The following CTNNA2 variants were observed in gnomAD, a reference collection of about 807,000 sequenced individuals.
The protein encoded by CTNNA2 is catenin alpha-2.
CTNNA2 carries 42 observed loss-of-function variants against 101.0 expected under a neutral mutation model. That is an observed-to-expected ratio of 0.42 (90% CI 0.32 to 0.54). CTNNA2 has a LOEUF of 0.54. CTNNA2 is among the 20% of genes least tolerant of loss of function. The pLI, the probability that CTNNA2 is intolerant of heterozygous loss-of-function variation, is 0.14. For missense variants in CTNNA2, 871 were observed against 1,223.1 expected (o/e 0.71, Z 4.29); for synonymous variants, 450 against 456.4 (o/e 0.99, Z 0.18).
intron 4 of CTNNA2, among the ~76,000 whole-genome samples, chr2:79,404,006 CTGTTATTTTGAGCTAGTTCCGTAG>C (rs778600223): frequency 1.1e-4 from 16 of 151,620 alleles, no homozygotes; most frequent in Admixed American, 3.9e-4. Flanking sequence ...TTCAGTAGGT[CTGTTATTTTGAGCTAGTTCCGTAG>C]AATTTACTAG....
chr2:80,326,642 A>AT (rs76980734), intron 7 of CTNNA2, among the ~76,000 whole-genome samples: 26 of 151,904 alleles, frequency 1.7e-4, no homozygotes, highest in Middle Eastern at 6.8e-3. Flanking sequence ...AATAGTTCTA[A>AT]TTTTTTTTTA....
chr2:80,431,923 T>A (rs948459870), intron 9 of CTNNA2, among the ~76,000 whole-genome samples: 1 of 152,120 alleles, frequency 6.6e-6, no homozygotes, highest in Non-Finnish European at 1.5e-5. Flanking sequence ...TTTCTTTTTC[T>A]GTAGGCACAT....
intron 3 of CTNNA2, among the ~76,000 whole-genome samples, chr2:79,762,581 A>T (rs1353927975): frequency 6.6e-6 from 1 of 152,196 alleles, no homozygotes; most frequent in Non-Finnish European, 1.5e-5. Flanking sequence ...AATAAGTAAT[A>T]GAAAAAAAAT....
intron 7 of CTNNA2, among the ~76,000 whole-genome samples, chr2:80,094,687 A>G (rs1022619623): frequency 2.4e-4 from 37 of 152,238 alleles, no homozygotes; most frequent in African/African-American, 8.4e-4. Context: ...TTCATTGAGC[A>G]GTGGTTTGTA....
intron 7 of CTNNA2, among the ~76,000 whole-genome samples, chr2:80,339,218 A>T (rs551048091): frequency 7.2e-5 from 11 of 152,250 alleles, no homozygotes; most frequent in African/African-American, 2.6e-4. Context: ...ACACCCATCC[A>T]TTGAGTTTCA....
chr2:79,409,012 C>A (rs1678375708), intron 4 of CTNNA2, among the ~76,000 whole-genome samples: 1 of 151,884 alleles, frequency 6.6e-6, no homozygotes. Flanking sequence ...GAGATGGTAT[C>A]TCATTGTGGT....
chr2:79,698,307 T>C (rs1476601508), intron 2 of CTNNA2, among the ~76,000 whole-genome samples: 1 of 152,070 alleles, frequency 6.6e-6, no homozygotes, highest in Non-Finnish European at 1.5e-5. Context: ...CTAATGGTAC[T>C]ATATATTCCT....
chr2:80,026,028 CG>C (rs1044001415), intron 7 of CTNNA2, among the ~76,000 whole-genome samples: 77 of 152,112 alleles, frequency 5.1e-4, no homozygotes, highest in Admixed American at 2.1e-3. Flanking sequence ...TGTGTCACAG[CG>C]GGGAAGGGGG....
chr2:80,209,011 TA>T (rs1296146893), intron 7 of CTNNA2, among the ~76,000 whole-genome samples: 2 of 152,128 alleles, frequency 1.3e-5, no homozygotes, highest in African/African-American at 4.8e-5. Context: ...AGAACACACA[TA>T]ACTCACTCTT....
intron 8 of CTNNA2, among the ~76,000 whole-genome samples, chr2:80,397,663 G>A (rs1441122150): frequency 6.6e-6 from 1 of 152,168 alleles, no homozygotes; most frequent in Non-Finnish European, 1.5e-5. Flanking sequence ...CCCCAACCTT[G>A]TGGAGTTGTG....
At chr2:79,407,490 C>G (rs7606175) in intron 4 of CTNNA2, among the ~76,000 whole-genome samples, 1 of 151,854 alleles carries the variant, frequency 6.6e-6, no homozygotes, top group East Asian at 1.9e-4. Context: ...TACATAAACA[C>G]TACATGCATT....
At chr2:80,053,260 G>A (rs186536370) in intron 7 of CTNNA2, among the ~76,000 whole-genome samples, 1 of 152,218 alleles carries the variant, frequency 6.6e-6, no homozygotes, top group Admixed American at 6.5e-5. Flanking sequence ...CATTTCCAGG[G>A]GAGTTTCAAG....
intron 7 of CTNNA2, among the ~76,000 whole-genome samples, chr2:80,050,903 C>T (rs892318556): frequency 2.0e-5 from 3 of 151,868 alleles, no homozygotes; most frequent in South Asian, 2.1e-4. Flanking sequence ...TTTTGTTTTT[C>T]GTAGCGATGG....
intron 12 of CTNNA2, among the ~76,000 whole-genome samples, chr2:80,571,790 T>G (rs1694626740): frequency 6.6e-6 from 1 of 152,174 alleles, no homozygotes; most frequent in Non-Finnish European, 1.5e-5. Context: ...ATCAAAGTGG[T>G]TCCTGAGTTG....
In CTNNA2 at chr2:80,302,642, G is replaced by C; in HGVS notation, c.1057-90569G>C. On this transcript the variant is annotated intron_variant, in intron 7 of 18. Transcript: ENST00000402739. This position sits in a 1 kb window ranked among gnomAD's most constrained non-coding sequence, Gnocchi z 6.4. ...CTGCCCCTCCCCGCCGTCCGCGAGC[G>C]TGGTGGCCGAGCTGGCAGGGGGCCC... 6.2e-7 allele frequency: 1 copy of C among 1,607,948 alleles called. No homozygotes were observed.
chr2:79,763,234 G>A (rs1019822412), intron 3 of CTNNA2, among the ~76,000 whole-genome samples: 3 of 152,088 alleles, frequency 2.0e-5, no homozygotes, highest in Non-Finnish European at 4.4e-5. Context: ...AACTAAACCA[G>A]TTATTCCAGA....
intron 7 of CTNNA2, among the ~76,000 whole-genome samples, chr2:79,965,731 T>C (rs1689992664): frequency 6.9e-6 from 1 of 144,158 alleles, no homozygotes; most frequent in East Asian, 2.0e-4. Flanking sequence ...GGCTGAGGCA[T>C]GAGAATCACT....
intron 4 of CTNNA2, among the ~76,000 whole-genome samples, chr2:79,396,012 C>T (rs192526455): frequency 4.6e-5 from 7 of 152,264 alleles, no homozygotes; most frequent in African/African-American, 1.2e-4. Context: ...CGGTCTGACA[C>T]AGCATTATGT....
At chr2:79,604,089 A>G (rs1558765057) in intron 1 of CTNNA2, among the ~76,000 whole-genome samples, 1 of 151,890 alleles carries the variant, frequency 6.6e-6, no homozygotes, top group South Asian at 2.1e-4. Flanking sequence ...AGCTACATAT[A>G]TAGTGATATT....
Sources: allele counts gnomAD v4.1 joint callset (sites outside exome capture counted in the v4.1 genomes callset), GRCh38; gene constraint gnomAD v4.1.1; non-coding constraint Gnocchi (gnomAD v3.1); transcripts MANE v1.5; gene names NCBI Gene and HGNC (gene_info 2026-07-23, HGNC 2026-07-21).